The following PAX5 variants were observed in gnomAD, a reference collection of about 807,000 sequenced individuals.
The protein encoded by PAX5 is paired box 5, also known as paired box protein Pax-5.
PAX5 carries 9 observed loss-of-function variants against 43.7 expected under a neutral mutation model. The ratio of observed to expected loss-of-function variants is 0.21; its 90% confidence interval spans 0.12 to 0.36. PAX5 has a LOEUF of 0.36. Among genes scored for constraint, PAX5 ranks in the 10% least tolerant of loss-of-function variants. The probability of loss-of-function intolerance (pLI) is 1.00; values close to 1 mark genes in which losing one functional copy is unlikely to be tolerated. For missense variants in PAX5, 383 were observed against 532.7 expected, an observed-to-expected ratio of 0.72 and a Z score of 2.77; for synonymous variants, 228 against 214.3, an observed-to-expected ratio of 1.06 and a Z score of -0.56.
chr9:36,903,999 C>T (rs1037077827), intron 7 of PAX5, among the ~76,000 whole-genome samples: 6 of 152,342 alleles, frequency 3.9e-5, no homozygotes, highest in Middle Eastern at 3.4e-3. Context: ...AACCTGGCTA[C>T]ACCACTTACA....
chr9:36,904,490 C>CA (rs1828655938), intron 7 of PAX5, among the ~76,000 whole-genome samples: 1 of 152,050 alleles, frequency 6.6e-6, no homozygotes, highest in East Asian at 1.9e-4. Context: ...AACAACCTTA[C>CA]TAAACATTTA....
intron 8 of PAX5, among the ~76,000 whole-genome samples, chr9:36,881,469 C>T (rs1826404986): frequency 3.3e-5 from 5 of 152,134 alleles, no homozygotes; most frequent in Admixed American, 2.6e-4. Flanking sequence ...AACTGACAAT[C>T]ACCGGCCTGG....
At chr9:36,964,137 C>T (rs187380481) in intron 6 of PAX5, among the ~76,000 whole-genome samples, 18 of 152,002 alleles carry the variant, frequency 1.2e-4, no homozygotes, top group East Asian at 5.8e-4. Context: ...AAAAATTAGC[C>T]GGGCATGGTG....
chr9:36,968,612 C>CG (rs1224949074), intron 5 of PAX5, among the ~76,000 whole-genome samples: 8 of 152,200 alleles, frequency 5.3e-5, no homozygotes, highest in South Asian at 2.1e-4. Context: ...CAGATACCCC[C>CG]ACATGTGGGC....
chr9:36,937,549 C>T (rs1831662069), intron 6 of PAX5, among the ~76,000 whole-genome samples: 1 of 152,188 alleles, frequency 6.6e-6, no homozygotes, highest in Non-Finnish European at 1.5e-5. Flanking sequence ...GGAGCCCTGA[C>T]GGGGACACCA....
chr9:36,836,990 T>C lies in PAX5; in HGVS notation c.*3570A>G, dbSNP rs1236023322. ...GTCAAAGACTCCGCAGGTTTCAATG[T>C]TCTTAGGAAACAAAGCCGCCAACCT... On this transcript the variant is annotated 3_prime_UTR_variant, in exon 10 of 10. Transcript: ENST00000358127. The C allele has an allele frequency of 4.3e-6, 1 of 232,610 alleles. No individual in the cohort carries two copies. Among genetic ancestry groups the C allele is most frequent in the Non-Finnish European group, 8.5e-6 (1 of 117,756 alleles). The allele number at this position is 232,610 out of a possible 1,614,324, so 14.4% of individuals were successfully genotyped here.
intron 1 of PAX5, among the ~76,000 whole-genome samples, chr9:37,031,940 C>G (rs1245870168): frequency 2.0e-5 from 3 of 152,192 alleles, no homozygotes; most frequent in African/African-American, 7.2e-5. Context: ...CTCATAGGAA[C>G]CAGACCTGGA....
rs117674624 is a variant in PAX5 at position 37,018,841 on chromosome 9, C to T, written c.212+1795G>A. 3.6e-3 allele frequency among the ~76,000 whole-genome samples: 542 copies of T among 152,304 alleles called. 2 individuals are homozygous for T. The highest frequency in any genetic ancestry group is 5.0e-3 in the Non-Finnish European group (338 of 68,026). ...TCCGGGTGCCGGCTGGTCTCGGAAG[C>T]ATCCCTGTCCCCCTCAATCTCCATG... On this transcript the variant is annotated intron_variant, in intron 2 of 9. Transcript: ENST00000358127.
intron 6 of PAX5, among the ~76,000 whole-genome samples, chr9:36,936,840 AC>A (rs1831595877): frequency 1.0e-5 from 1 of 97,442 alleles, no homozygotes; most frequent in South Asian, 3.6e-4. Flanking sequence ...GCACACACAC[AC>A]ACACACATGC....
chr9:36,866,445 A>G lies in PAX5; in HGVS notation c.1012+15559T>C, dbSNP rs1206608064. On this transcript the variant is annotated intron_variant, in intron 8 of 9. Transcript: ENST00000358127. Reference sequence around the variant, plus strand: ...AGCCCACCGTTGCCTGGATCCACTGAGGCACAGAAGCCTGAGACTTAAGAG... The same window carrying G: ...AGCCCACCGTTGCCTGGATCCACTGGGGCACAGAAGCCTGAGACTTAAGAG... Among the ~76,000 whole-genome samples, 3 of 152,190 alleles carry G rather than the reference A, an allele frequency of 2.0e-5. No homozygotes were observed. In the East Asian group the frequency reaches 5.8e-4, roughly 29 times the overall value.
intron 8 of PAX5, among the ~76,000 whole-genome samples, chr9:36,871,271 A>G (rs1419322030): frequency 1.3e-5 from 2 of 152,210 alleles, no homozygotes; most frequent in African/African-American, 2.4e-5. Context: ...CTCGGCGTTT[A>G]TCTCCTGGAT....
At chr9:36,989,198 G>A (rs1443975580) in intron 5 of PAX5, among the ~76,000 whole-genome samples, 2 of 152,212 alleles carry the variant, frequency 1.3e-5, no homozygotes, top group Admixed American at 1.3e-4. Context: ...AGGATAATGG[G>A]GGAACAGGCA....
intron 4 of PAX5, among the ~76,000 whole-genome samples, chr9:37,003,725 T>C (rs1838144190): frequency 6.6e-6 from 1 of 152,118 alleles, no homozygotes; most frequent in Admixed American, 6.5e-5. Flanking sequence ...TAATCCCAGC[T>C]ACTTGGGAGG....
intron 1 of PAX5, among the ~76,000 whole-genome samples, chr9:37,031,697 A>C (rs1054498653): frequency 6.6e-6 from 1 of 151,518 alleles, no homozygotes; most frequent in Admixed American, 6.6e-5. Context: ...CGAACCTCTG[A>C]GTTTCCTTTC....
intron 8 of PAX5, among the ~76,000 whole-genome samples, chr9:36,858,616 A>G (rs1386134108): frequency 6.6e-6 from 1 of 152,182 alleles, no homozygotes; most frequent in Non-Finnish European, 1.5e-5. Context: ...TAATTTCCAC[A>G]AGACTGACTG....
chr9:36,936,346 G>C (rs1032018699), intron 6 of PAX5, among the ~76,000 whole-genome samples: 1 of 152,200 alleles, frequency 6.6e-6, no homozygotes, highest in Non-Finnish European at 1.5e-5. Flanking sequence ...GCTGGGTCAC[G>C]AGCAGCTCCA....
chr9:36,986,797 C>T (rs1836470211), intron 5 of PAX5, among the ~76,000 whole-genome samples: 1 of 152,142 alleles, frequency 6.6e-6, no homozygotes. Flanking sequence ...ACCGCGGATC[C>T]CTGGACCTCC....
intron 8 of PAX5, among the ~76,000 whole-genome samples, chr9:36,869,895 AATGGATGGATGGATGG>A (rs371489118): frequency 5.9e-4 from 29 of 49,410 alleles, no homozygotes; most frequent in African/African-American, 2.0e-3. Context: ...TGGATGGATA[AATGGATGGATGGATGG>A]ATGGATGGAT....
intron 5 of PAX5, among the ~76,000 whole-genome samples, chr9:36,982,594 G>A (rs1836033385): frequency 6.6e-6 from 1 of 152,248 alleles, no homozygotes; most frequent in South Asian, 2.1e-4. Context: ...CCTGGAAGGA[G>A]AAGGTGGCAT....
Sources: gnomAD v4.1 joint callset for allele counts (sites outside exome capture counted in the v4.1 genomes callset) on GRCh38, gnomAD v4.1.1 for gene constraint, MANE v1.5 for transcripts, NCBI Gene and HGNC (gene_info 2026-07-23, HGNC 2026-07-21) for gene names.